SHISA6: variants seen among roughly 807,000 people sequenced by gnomAD.
SHISA6 encodes the protein protein shisa-6.
In SHISA6, 22 loss-of-function variants were observed where a neutral mutation model predicts 47.9. The ratio of observed to expected loss-of-function variants is 0.46; its 90% CI spans 0.33 to 0.66. SHISA6 has a LOEUF of 0.66. Among genes scored for constraint, SHISA6 ranks in the 30% least tolerant of loss-of-function variants. SHISA6 has a pLI of 0.02. For synonymous variants in SHISA6, 388 were observed against 337.8 expected, an observed-to-expected ratio of 1.15 and a Z score of -1.63; for missense variants, 680 against 764.6, an observed-to-expected ratio of 0.89 and a Z score of 1.30.
chr17:11,397,974 T>G (rs937451901), intron 3 of SHISA6, among the ~76,000 whole-genome samples: 2 of 152,174 alleles, frequency 1.3e-5, no homozygotes, highest in African/African-American at 4.8e-5. Context: ...TCTTTTTAAA[T>G]TTTTCCTTTC....
chr17:11,326,900 T>C (rs1405550679), intron 2 of SHISA6, among the ~76,000 whole-genome samples: 6 of 152,202 alleles, frequency 3.9e-5, no homozygotes, highest in African/African-American at 7.2e-5. Context: ...CGCAGCAACG[T>C]AGGACTTCAG....
At chr17:11,434,783 T>C (rs1431332897) in intron 3 of SHISA6, among the ~76,000 whole-genome samples, 1 of 152,234 alleles carries the variant, frequency 6.6e-6, no homozygotes, top group Non-Finnish European at 1.5e-5. Flanking sequence ...TGTATTTAAA[T>C]GGTCTTTGAA....
intron 3 of SHISA6, among the ~76,000 whole-genome samples, chr17:11,486,702 C>G (rs1916357189): frequency 6.6e-6 from 1 of 152,188 alleles, no homozygotes; most frequent in Admixed American, 6.5e-5. Context: ...CATCCTTCAT[C>G]TTTCCTGCAC....
At chr17:11,324,796 G>C (rs1910821140) in intron 2 of SHISA6, among the ~76,000 whole-genome samples, 1 of 152,096 alleles carries the variant, frequency 6.6e-6, no homozygotes, top group African/African-American at 2.4e-5. Context: ...CATCCGACCT[G>C]TTATGCTTTG....
At chr17:11,438,801 G>T (rs1182512342) in intron 3 of SHISA6, among the ~76,000 whole-genome samples, 1 of 152,324 alleles carries the variant, frequency 6.6e-6, no homozygotes, top group African/African-American at 2.4e-5. Flanking sequence ...CTGTTGGAAA[G>T]CAATGGGCTA....
intron 3 of SHISA6, among the ~76,000 whole-genome samples, chr17:11,400,072 T>A (rs1012563255): frequency 6.6e-6 from 1 of 152,208 alleles, no homozygotes; most frequent in African/African-American, 2.4e-5. Context: ...CTTCCATCAC[T>A]CCACAAATAT....
At chr17:11,422,372 C>T (rs946473379) in intron 3 of SHISA6, among the ~76,000 whole-genome samples, 3 of 152,154 alleles carry the variant, frequency 2.0e-5, no homozygotes, top group Non-Finnish European at 4.4e-5. Flanking sequence ...CAAGCCACTA[C>T]CGAGCCCAGT....
intron 3 of SHISA6, among the ~76,000 whole-genome samples, chr17:11,469,269 A>T (rs1915882800): frequency 6.6e-6 from 1 of 152,090 alleles, no homozygotes; most frequent in Non-Finnish European, 1.5e-5. Context: ...GGTCCTTACA[A>T]TAGGGAGGAA....
At chr17:11,421,973 A>T (rs1345126800) in intron 3 of SHISA6, among the ~76,000 whole-genome samples, 1 of 152,208 alleles carries the variant, frequency 6.6e-6, no homozygotes, top group Non-Finnish European at 1.5e-5. Context: ...ATCTTTGAAT[A>T]GTCCATCTGA....
intron 2 of SHISA6, among the ~76,000 whole-genome samples, chr17:11,330,566 A>G (rs1911065556): frequency 6.6e-6 from 1 of 152,022 alleles, no homozygotes; most frequent in South Asian, 2.1e-4. Context: ...ACCTGTTTCT[A>G]AAGAAAATCT....
chr17:11,477,421 T>TA lies in SHISA6; in HGVS notation c.896-74474dup, dbSNP rs763192540. Among the ~76,000 whole-genome samples the TA allele has an allele frequency of 3.9e-5, 6 of 152,190 alleles. No homozygotes were observed. In the East Asian group the frequency reaches 7.7e-4, roughly 20 times the overall value. On this transcript the variant is annotated intron_variant, in intron 3 of 5. Coordinates refer to ENST00000441885, the MANE Select transcript of SHISA6 (RefSeq NM_207386.4). ...TAATTTCTTAACCTATCAGTTAAAC[T>TA]ACTTTTTTTTATTATATTTTAAGTT...
chr17:11,487,976 CT>C (rs1464224712), intron 3 of SHISA6, among the ~76,000 whole-genome samples: 2 of 152,204 alleles, frequency 1.3e-5, no homozygotes, highest in African/African-American at 4.8e-5. Flanking sequence ...CCCATTCAGA[CT>C]AAAGGTCAAA....
In SHISA6 at chr17:11,379,432, C is replaced by T; in HGVS notation, c.818C>T (p.Ala273Val). 6.5e-7 allele frequency: 1 copy of T among 1,539,568 alleles called. No individual in the cohort carries two copies. The highest frequency in any genetic ancestry group is 8.8e-7 in the Non-Finnish European group (1 of 1,141,948). Residue 273 changes from alanine to valine, a missense_variant, in exon 3 of 6, where the codon GCT (alanine) becomes GTT (valine). By Grantham distance (64) the Ala-to-Val change is moderately conservative. Around this residue, in one of 2 missense-constraint regions of SHISA6, gnomAD observed 559 missense variants for 674.1 expected, o/e 0.83. Coordinates refer to ENST00000441885, the MANE Select transcript of SHISA6 (RefSeq NM_207386.4). ...KQTPGHYGKD[A>V]YRSGGPDLHN... ...CTTGCAGGGCATTATGGGAAGGATG[C>T]TTACCGAAGTGGAGGACCTGATCTC...
At chr17:11,532,602 C>T (rs776284483) in intron 3 of SHISA6, among the ~76,000 whole-genome samples, 1 of 152,202 alleles carries the variant, frequency 6.6e-6, no homozygotes, top group Non-Finnish European at 1.5e-5. Flanking sequence ...TCAGTTTAAG[C>T]ATACACAATT....
intron 2 of SHISA6, among the ~76,000 whole-genome samples, chr17:11,304,779 G>A (rs938221990): frequency 4.0e-5 from 6 of 150,718 alleles, no homozygotes; most frequent in Non-Finnish European, 7.4e-5. Context: ...TCAGCCCTGA[G>A]ACTTGCCAGA....
rs1231881564 is a variant in SHISA6 at position 11,353,470 on chromosome 17, AG to A, written c.800-25941del. On this transcript the variant is annotated intron_variant, in intron 2 of 5. Coordinates refer to ENST00000441885, the MANE Select transcript of SHISA6 (RefSeq NM_207386.4). Reference sequence around the variant, plus strand: ...GACTCCGTCTAAAAAAAAAAAAAAAAGGGTGAGGCGGGGGGTCCTCAACCAG... The same window carrying A: ...GACTCCGTCTAAAAAAAAAAAAAAAAGGTGAGGCGGGGGGTCCTCAACCAG... Among the ~76,000 whole-genome samples, 4 of 147,236 alleles carry A rather than the reference AG, an allele frequency of 2.7e-5. No homozygotes were observed. The East Asian group carries it at 7.9e-4, about 29-fold the overall frequency.
At chr17:11,347,038 G>A (rs1911722894) in intron 2 of SHISA6, among the ~76,000 whole-genome samples, 1 of 152,190 alleles carries the variant, frequency 6.6e-6, no homozygotes, top group South Asian at 2.1e-4. Context: ...GTCATGCTAT[G>A]TAGCTGCAAA....
intron 3 of SHISA6, among the ~76,000 whole-genome samples, chr17:11,484,558 G>A (rs1418572028): frequency 1.3e-5 from 2 of 151,908 alleles, no homozygotes; most frequent in South Asian, 2.1e-4. Flanking sequence ...GCACTACCAC[G>A]CCCAGCTAAT....
At chr17:11,473,719 T>A (rs1162106089) in intron 3 of SHISA6, among the ~76,000 whole-genome samples, 1 of 152,204 alleles carries the variant, frequency 6.6e-6, no homozygotes, top group Non-Finnish European at 1.5e-5. Context: ...CTCTCTCTCC[T>A]CTGTTTTTCT....
Sources: gnomAD v4.1 joint callset for allele counts (sites outside exome capture counted in the v4.1 genomes callset) on GRCh38, gnomAD v4.1.1 for gene constraint, gnomAD v4.1.1 regional missense constraint, MANE v1.5 for transcripts, NCBI Gene and HGNC (gene_info 2026-07-23, HGNC 2026-07-21) for gene names.